Variants in STK39 observed in about 807,000 individuals in gnomAD.
The protein encoded by STK39 is STE20/SPS1-related proline-alanine-rich protein kinase.
STK39 carries 20 observed loss-of-function variants against 77.8 expected under a neutral mutation model. The observed-to-expected ratio is 0.26, with a 90% CI of 0.18 to 0.37. The LOEUF (loss-of-function observed/expected upper bound fraction) is 0.37. STK39 is among the 10% of genes least tolerant of loss of function. The pLI, the probability that STK39 is intolerant of heterozygous loss-of-function variation, is 1.00. For synonymous variants in STK39, 246 were observed against 234.1 expected, an observed-to-expected ratio of 1.05 and a Z score of -0.47; for missense variants, 479 against 656.5, an observed-to-expected ratio of 0.73 and a Z score of 2.95.
intron 14 of STK39, among the ~76,000 whole-genome samples, chr2:168,034,557 C>G (rs1684904830): frequency 6.6e-6 from 1 of 152,166 alleles, no homozygotes; most frequent in Non-Finnish European, 1.5e-5. Flanking sequence ...TCCTCTGCAC[C>G]AGAAGACAGA....
At chr2:167,986,240 A>AT (rs796085507) in intron 16 of STK39, among the ~76,000 whole-genome samples, 121 of 152,314 alleles carry the variant, frequency 7.9e-4, no homozygotes, top group African/African-American at 2.7e-3. Context: ...GTTATCAGAA[A>AT]TTATTTGAAA....
chr2:168,001,511 TC>T (rs1684000832), intron 16 of STK39, among the ~76,000 whole-genome samples: 1 of 108,928 alleles, frequency 9.2e-6, no homozygotes, highest in Non-Finnish European at 2.1e-5. Flanking sequence ...AAGAAAGTCC[TC>T]TTTTTTTAAA....
chr2:168,012,189 A>AT (rs1326833453), intron 16 of STK39, among the ~76,000 whole-genome samples: 87 of 146,412 alleles, frequency 5.9e-4, no homozygotes, highest in Middle Eastern at 3.6e-3. Context: ...ATTAAATATG[A>AT]TTTTTTTTTT....
intron 12 of STK39, among the ~76,000 whole-genome samples, chr2:168,069,955 TAA>T: frequency 6.6e-6 from 1 of 152,290 alleles, no homozygotes; most frequent in Middle Eastern, 3.4e-3. Context: ...AATTTAAAGA[TAA>T]AGTCAATTTC....
At position 167,984,881 on chromosome 2, in the gene STK39, A is replaced by G. The variant is rs182708034; in HGVS notation, c.1499-20155T>C. ...CTTTTAAAATACATTTTCAAATGAA[A>G]AGCTTTATGCACATACAGCCAGTCT... On this transcript the variant is annotated intron_variant, in intron 16 of 17. Transcript: ENST00000355999. 9.5e-4 allele frequency among the ~76,000 whole-genome samples: 144 copies of G among 152,336 alleles called. 1 individual carries two copies. Among genetic ancestry groups the G allele is most frequent in the Non-Finnish European group, 1.7e-3 (117 of 68,030 alleles).
chr2:168,118,621 A>C (rs11677845), intron 10 of STK39, among the ~76,000 whole-genome samples: 54,829 of 134,420 alleles, frequency 0.41, 11,491 homozygotes, highest in South Asian at 0.49. Context: ...AAAAAAAAAA[A>C]AACAACAACT....
At chr2:168,078,515 A>G (rs1686140675) in intron 10 of STK39, among the ~76,000 whole-genome samples, 1 of 152,166 alleles carries the variant, frequency 6.6e-6, no homozygotes, top group African/African-American at 2.4e-5. Flanking sequence ...ATACAGTTGT[A>G]CCGTCCCCAT....
chr2:168,214,448 C>A (rs1237798935), intron 1 of STK39, among the ~76,000 whole-genome samples: 1 of 151,792 alleles, frequency 6.6e-6, no homozygotes, highest in Non-Finnish European at 1.5e-5. Flanking sequence ...CTGGATATGA[C>A]GTATATCCAG....
At chr2:168,171,668 T>C (rs111803187) in intron 2 of STK39, among the ~76,000 whole-genome samples, 96 of 152,038 alleles carry the variant, frequency 6.3e-4, no homozygotes, top group African/African-American at 2.0e-3. Context: ...TAAAAATTTT[T>C]TGTAGAGACA....
At position 167,955,606 on chromosome 2, in the gene STK39, G is replaced by A. The variant is rs181766954; in HGVS notation, c.1564-36C>T. ...AAAAAGAAAGCCTCAATGCTGGTTT[G>A]CTGCTGCTGCTGGTTGTTAAAGTCT... On this transcript the variant is annotated intron_variant, in intron 17 of 17. Transcript: ENST00000355999. The A allele has an allele frequency of 6.1e-4, 967 of 1,583,048 alleles. 1 individual carries two copies. Among genetic ancestry groups the A allele is most frequent in the Non-Finnish European group, 7.6e-4 (879 of 1,158,050 alleles).
intron 10 of STK39, among the ~76,000 whole-genome samples, chr2:168,120,104 C>T (rs1687366689): frequency 6.6e-6 from 1 of 152,136 alleles, no homozygotes. Context: ...GATGGTTTTT[C>T]CTTTTCTGTT....
intron 8 of STK39, among the ~76,000 whole-genome samples, chr2:168,135,785 G>A (rs1292368793): frequency 1.3e-5 from 2 of 152,156 alleles, no homozygotes; most frequent in African/African-American, 4.8e-5. Context: ...CTGGGAAGGT[G>A]ATGTGCCACT....
At chr2:168,190,917 G>C (rs1689323313) in intron 1 of STK39, among the ~76,000 whole-genome samples, 1 of 152,124 alleles carries the variant, frequency 6.6e-6, no homozygotes, top group Non-Finnish European at 1.5e-5. Context: ...CAACCAAATG[G>C]AAGCCAAACA....
intron 1 of STK39, among the ~76,000 whole-genome samples, chr2:168,192,811 CT>C (rs1574543349): frequency 1.3e-5 from 2 of 152,276 alleles, no homozygotes; most frequent in South Asian, 2.1e-4. Flanking sequence ...TCCCAGACAC[CT>C]GGATAGAAAC....
intron 1 of STK39, among the ~76,000 whole-genome samples, chr2:168,244,106 G>A (rs1274429093): frequency 6.6e-6 from 1 of 152,064 alleles, no homozygotes; most frequent in East Asian, 1.9e-4. Context: ...CCCTCCCATC[G>A]ATTTTACATC....
chr2:168,093,844 G>T (rs967212490), intron 10 of STK39, among the ~76,000 whole-genome samples: 3 of 152,128 alleles, frequency 2.0e-5, no homozygotes, highest in Admixed American at 2.0e-4. Context: ...TGTGGGTGGT[G>T]GGGGGAAAGC....
At chr2:168,237,244 TTGTC>T (rs1237575747) in intron 1 of STK39, among the ~76,000 whole-genome samples, 11 of 152,200 alleles carry the variant, frequency 7.2e-5, no homozygotes, top group Admixed American at 2.0e-4. Flanking sequence ...GGCTCTCTGT[TTGTC>T]TGTTATTGGT....
chr2:167,972,676 A>G (rs1487852523), intron 16 of STK39, among the ~76,000 whole-genome samples: 2 of 152,208 alleles, frequency 1.3e-5, no homozygotes, highest in African/African-American at 4.8e-5. Context: ...AAAGATTTAA[A>G]AGGACTTTTT....
intron 10 of STK39, among the ~76,000 whole-genome samples, chr2:168,099,006 C>T (rs1686748479): frequency 6.6e-6 from 1 of 152,190 alleles, no homozygotes; most frequent in Non-Finnish European, 1.5e-5. Flanking sequence ...GAGGAGAGAT[C>T]ATGTGGAGAG....
Sources: gnomAD v4.1 joint callset for allele counts (sites outside exome capture counted in the v4.1 genomes callset) on GRCh38, gnomAD v4.1.1 for gene constraint, MANE v1.5 for transcripts, NCBI Gene and HGNC (gene_info 2026-07-23, HGNC 2026-07-21) for gene names.